Variants in RHOT2 observed in about 807,000 individuals in gnomAD.
RHOT2 encodes ras homolog family member T2, also known as mitochondrial Rho GTPase 2.
Under a neutral mutation model 81.6 loss-of-function variants are expected in RHOT2, and 90 were observed. The ratio of observed to expected loss-of-function variants is 1.10; its 90% confidence interval spans 0.93 to 1.31. RHOT2 has a LOEUF of 1.31. Among genes scored for constraint, RHOT2 ranks in the 40% most tolerant of loss-of-function variants. The pLI, the probability that RHOT2 is intolerant of heterozygous loss-of-function variation, is 0.00. For missense variants in RHOT2, 1,014 were observed against 841.9 expected, an observed-to-expected ratio of 1.20 and a Z score of -2.53; for synonymous variants, 512 against 370.9, an observed-to-expected ratio of 1.38 and a Z score of -4.37.
Position 668,393 on chromosome 16 carries a change from C to A in RHOT2, c.78C>A (p.Gly26=). ...CGTCGCTGATCCTGTCCCTGGTGGGCGAGGAGTTCCCCGAGGAGGTAAGGG... is the reference window on the plus strand; with the variant it reads ...CGTCGCTGATCCTGTCCCTGGTGGGAGAGGAGTTCCCCGAGGAGGTAAGGG... ...GKTSLILSLV[G]EEFPEEVPPR... is the part of the protein sequence containing the mutation. The change falls in exon 2 of 19, where the codon GGC becomes GGA. Residue 26 remains glycine, a synonymous_variant. Coordinates refer to ENST00000315082, the MANE Select transcript of RHOT2 (RefSeq NM_138769.3). The A allele has an allele frequency of 1.4e-6, 2 of 1,468,450 alleles. No homozygotes were observed. The highest frequency in any genetic ancestry group is 9.0e-7 in the Non-Finnish European group (1 of 1,116,786). The allele number at this position is 1,468,450 out of a possible 1,614,324, so 91.0% of individuals were successfully genotyped here.
rs772693967 is a variant in RHOT2 at position 671,969 on chromosome 16, G to A, written c.1064G>A (p.Arg355Gln). The A allele has an allele frequency of 9.9e-6, 16 of 1,612,072 alleles. No homozygotes were observed. The highest frequency in any genetic ancestry group is 4.5e-5 in the East Asian group (2 of 44,888). Reference protein sequence around the residue: ...LPRTVRTEAGRLPLHGYLCQW... With the variant: ...LPRTVRTEAGQLPLHGYLCQW... ...CGCACAGTCCGCACAGAGGCCGGCCGGTTGCCCCTGCACGGATACCTCTGC... is the reference window on the plus strand; with the variant it reads ...CGCACAGTCCGCACAGAGGCCGGCCAGTTGCCCCTGCACGGATACCTCTGC... Residue 355 changes from arginine to glutamine, a missense_variant, in exon 13 of 19, where the codon CGG (arginine) becomes CAG (glutamine). Transcript: ENST00000315082.
chr16:672,749 C>G lies in RHOT2; in HGVS notation c.1451C>G (p.Ala484Gly). The G allele has an allele frequency of 6.2e-7, 1 of 1,612,638 alleles. No individual in the cohort carries two copies. Among genetic ancestry groups the G allele is most frequent in the Non-Finnish European group, 8.5e-7 (1 of 1,179,994 alleles). Residue 484 changes from alanine (A) to glycine (G), a missense_variant, in exon 17 of 19, where the codon GCC (alanine) becomes GGC (glycine). Ala to Gly is a moderately conservative substitution (Grantham distance 60). Transcript: ENST00000315082. ...TDGLLATSLD[A>G]TCDVACLMFD... is the part of the protein sequence containing the mutation. ...GGTCTGCTGGCCACATCGCTGGACG[C>G]CACCTGTGACGTTGCCTGCTTGATG...
At chr16:671,810 G>GGCCCCGGCCCCCCCCC in intron 12 of RHOT2, 29 bp downstream of exon 12, 2 of 1,586,216 alleles carry the variant, frequency 1.3e-6, no homozygotes, top group Non-Finnish European at 1.7e-6. Flanking sequence ...CCCTGCCCCT[G>GGCCCCGGCCCCCCCCC]CCCCCGCCCC....
chr16:669,803 C>G lies in RHOT2; in HGVS notation c.276+197C>G, dbSNP rs549774471. 188 of 641,728 alleles carry G rather than the reference C, an allele frequency of 2.9e-4. 3 individuals carry two copies. The highest frequency in any genetic ancestry group is 1.4e-3 in the South Asian group (78 of 54,352). The allele number at this position is 641,728 out of a possible 1,614,324, so 39.8% of individuals were successfully genotyped here. A position where few individuals can be genotyped will look rare whatever the true frequency, so the allele number is the denominator to read the frequency against. ...GAGAGGGTCTGGGGCGTCCCGCAGT[C>G]TGAGCCATTGAGGCCGGCAGTCCTC... On this transcript the variant is annotated intron_variant, in intron 5 of 18. Coordinates refer to ENST00000315082, the MANE Select transcript of RHOT2 (RefSeq NM_138769.3).
intron 5 of RHOT2, chr16:669,905 C>T (rs1232352189): frequency 3.3e-6 from 2 of 615,068 alleles, no homozygotes; most frequent in Admixed American, 6.0e-5. Context: ...GGCTTGGGCC[C>T]CAGTGACTTG....
In RHOT2 at chr16:668,151, C is replaced by G. The variant is rs749425636; in HGVS notation, c.-49C>G. 6 of 436,430 alleles carry G rather than the reference C, an allele frequency of 1.4e-5. No homozygotes were observed. The highest frequency in any genetic ancestry group is 1.0e-4 in the African/African-American group (5 of 49,502). The allele number at this position is 436,430 out of a possible 1,614,324, so 27.0% of individuals were successfully genotyped here. ...GGGGGCAGAGCGAAAGGCTTGAGGA[C>G]CAGGTCGGGGCCGGGTTCCGGGTCG... On this transcript the variant is annotated 5_prime_UTR_variant, in exon 1 of 19. Coordinates refer to ENST00000315082, the MANE Select transcript of RHOT2 (RefSeq NM_138769.3).
At position 673,630 on chromosome 16, in the gene RHOT2, C is replaced by T. The variant is rs762303865; in HGVS notation, c.*24C>T. On this transcript the variant is annotated 3_prime_UTR_variant, in exon 19 of 19. Coordinates refer to ENST00000315082, the MANE Select transcript of RHOT2 (RefSeq NM_138769.3). ...GAGGCCCCTGGTACCCAAGCCCCCT[C>T]CCCTGACCTGGGTGTGCCTCGCTGC... 1.8e-5 allele frequency: 28 copies of T among 1,595,572 alleles called. No individual in the cohort carries two copies. The African/African-American group carries it at 3.8e-4, about 22-fold the overall frequency.
intron 18 of RHOT2, 132 bp from the exon 19 acceptor site, chr16:673,348 C>G (rs1596531585): frequency 1.4e-6 from 2 of 1,413,684 alleles, no homozygotes; most frequent in East Asian, 4.6e-5. Flanking sequence ...AGGGCCTGGC[C>G]TCCACCGGCT....
At chr16:669,019 C>T (rs945125481) in intron 4 of RHOT2, 19 of 455,560 alleles carry the variant, frequency 4.2e-5, no homozygotes, top group Non-Finnish European at 2.0e-5. Context: ...CCCACCGTCC[C>T]GGCCTCCGGG....
intron 11 of RHOT2, 22 bp from the exon 12 acceptor site, chr16:671,675 A>G: frequency 1.2e-6 from 2 of 1,606,818 alleles, no homozygotes; most frequent in Non-Finnish European, 8.5e-7. Flanking sequence ...TGGGAGCTAG[A>G]CGGGCTGTGG....
Position 670,269 on chromosome 16 carries a change from G to A in RHOT2, c.350G>A (p.Gly117Asp). 6.2e-7 allele frequency: 1 copy of A among 1,612,708 alleles called. No homozygotes were observed. Among genetic ancestry groups the A allele is most frequent in the Non-Finnish European group, 8.5e-7 (1 of 1,179,928 alleles). ...CCCAGGGTGCCCATCATCCTAGTGG[G>A]CAACAAGTCAGACCTGCGGTCGGGG... ...QGPRVPIILV[G>D]NKSDLRSGSS... is the part of the protein sequence containing the mutation. The change falls in exon 7 of 19, where the codon GGC (glycine) becomes GAC (aspartate). Residue 117 changes from glycine to aspartate, a missense_variant. Transcript: ENST00000315082.
At chr16:668,939 C>A in intron 4 of RHOT2, 1 of 531,922 alleles carries the variant, frequency 1.9e-6, no homozygotes, top group Non-Finnish European at 3.3e-6. Context: ...TCCCTCCTGC[C>A]GGGGTGGCAG....
Position 669,642 on chromosome 16 carries a change from C to T in RHOT2, c.276+36C>T, listed in dbSNP as rs76548137. 12,690 of 1,605,338 alleles carry T rather than the reference C, an allele frequency of 7.9e-3. 84 individuals carry two copies. Among genetic ancestry groups the T allele is most frequent in the East Asian group, 0.039 (1,735 of 44,864 alleles). On this transcript the variant is annotated intron_variant, in intron 5 of 18. Coordinates refer to ENST00000315082, the MANE Select transcript of RHOT2 (RefSeq NM_138769.3). ...AGTGCAGACCCCAACAGCAGAGACA[C>T]AGTGGCCGGTGGTGGCCCAGGTGGA...
intron 18 of RHOT2, 172 bp from the exon 19 acceptor site, chr16:673,308 G>C (rs1428839929): frequency 7.3e-6 from 9 of 1,225,398 alleles, no homozygotes; most frequent in Non-Finnish European, 1.0e-5. Flanking sequence ...TTGTGTGGCA[G>C]AGGGAGGCAG....
chr16:669,940 C>G (rs1370807835), intron 5 of RHOT2, 183 bp from the exon 6 acceptor site: 1 of 631,442 alleles, frequency 1.6e-6, no homozygotes, highest in East Asian at 2.8e-5. Flanking sequence ...CCATTGGGGT[C>G]AGACAGATGA....
At chr16:670,408 C>A in intron 7 of RHOT2, 48 bp from the exon 8 acceptor site, 1 of 1,607,888 alleles carries the variant, frequency 6.2e-7, no homozygotes, top group South Asian at 1.1e-5. Context: ...TGTTCTCAGT[C>A]GGTGCCCTCC....
In RHOT2 at chr16:672,997, G is replaced by A. The variant is rs61745203; in HGVS notation, c.1597G>A (p.Ala533Thr). The A allele has an allele frequency of 3.5e-3, 5,588 of 1,612,674 alleles. 157 individuals are homozygous for A. In the African/African-American group the frequency reaches 0.063, roughly 18 times the overall value. Residue 533 changes from alanine (A) to threonine (T), a missense_variant, in exon 18 of 19, where the codon GCG (alanine) becomes ACG (threonine). Transcript: ENST00000315082. ...CAAGGCCGACCTGCCCGAAGGTGTC[G>A]CGGTGTCTGGCCCATCACCGGCCGA... ...SSKADLPEGV[A>T]VSGPSPAEFC... is the part of the protein sequence containing the mutation.
At position 671,195 on chromosome 16, in the gene RHOT2, C is replaced by A. The variant is rs116817154; in HGVS notation, c.861C>A (p.Leu287=). The A allele has an allele frequency of 5.7e-4, 883 of 1,557,336 alleles. 3 individuals are homozygous for A. The African/African-American group carries it at 0.011, about 19-fold the overall frequency. Residue 287 remains leucine (L), a synonymous_variant, in exon 11 of 19, where the codon CTC becomes CTA. Coordinates refer to ENST00000315082, the MANE Select transcript of RHOT2 (RefSeq NM_138769.3). ...CCCTGGAGCTGACTGCGGACTATCT[C>A]TCCCCTCTGTGAGTGATGCCGGGGC... The part of the protein sequence containing the change: ...SDALELTADY[L]SPLIHVPPGC...
At position 670,493 on chromosome 16, in the gene RHOT2, T is replaced by C. The variant is rs2038736811; in HGVS notation, c.476T>C (p.Phe159Ser). The C allele has an allele frequency of 1.9e-6, 3 of 1,608,642 alleles. No individual in the cohort carries two copies. Among genetic ancestry groups the C allele is most frequent in the African/African-American group, 1.3e-5 (1 of 74,998 alleles). Residue 159 changes from phenylalanine to serine, a missense_variant, in exon 8 of 19, where the codon TTC (phenylalanine) becomes TCC (serine). Transcript: ENST00000315082. ...AACCTGAGGAACATCTCAGAGCTGTTCTACTACGCCCAGAAGGCCGTCCTG... is the reference window on the plus strand; with the variant it reads ...AACCTGAGGAACATCTCAGAGCTGTCCTACTACGCCCAGAAGGCCGTCCTG... The part of the protein sequence containing the change: ...AKNLRNISEL[F>S]YYAQKAVLHP...
Sources: gnomAD v4.1 joint callset for allele counts on GRCh38, gnomAD v4.1.1 for gene constraint, MANE v1.5 for transcripts, NCBI Gene and HGNC (gene_info 2026-07-23, HGNC 2026-07-21) for gene names.